Variants in ADAMTSL1 observed in about 807,000 individuals in gnomAD.
The protein encoded by ADAMTSL1 is ADAMTS like 1, also known as ADAMTS-like protein 1.
ADAMTSL1 carries 126 observed loss-of-function variants against 201.8 expected under a neutral mutation model. The observed-to-expected ratio is 0.62, with a 90% CI of 0.54 to 0.72. The LOEUF is 0.72. Ranked by LOEUF, ADAMTSL1 falls within the 30% of genes least tolerant of loss-of-function variation. The probability of loss-of-function intolerance (pLI) is 0.00; values close to 1 mark genes in which losing one functional copy is unlikely to be tolerated. For missense variants in ADAMTSL1, 2,679 were observed against 2,277.8 expected, an observed-to-expected ratio of 1.18 and a Z score of -3.59; for synonymous variants, 1,121 against 903.4, an observed-to-expected ratio of 1.24 and a Z score of -4.32.
intron 20 of ADAMTSL1, among the ~76,000 whole-genome samples, chr9:18,816,569 C>G (rs970200718): frequency 2.0e-5 from 3 of 152,026 alleles, no homozygotes; most frequent in Non-Finnish European, 4.4e-5. Context: ...GCAAGTGAGT[C>G]TACAATTACC....
intron 1 of ADAMTSL1, among the ~76,000 whole-genome samples, chr9:18,124,765 C>G (rs908512615): frequency 1.3e-5 from 2 of 152,138 alleles, no homozygotes; most frequent in African/African-American, 4.8e-5. Flanking sequence ...TACTTGACTC[C>G]TTTGCAATTC....
chr9:18,640,066 C>T (rs978771195), intron 7 of ADAMTSL1, among the ~76,000 whole-genome samples: 1 of 152,092 alleles, frequency 6.6e-6, no homozygotes, highest in Non-Finnish European at 1.5e-5. Flanking sequence ...GTCCAGGACT[C>T]CATAAATTTT....
intron 1 of ADAMTSL1, among the ~76,000 whole-genome samples, chr9:18,502,989 T>G (rs898162465): frequency 6.6e-6 from 1 of 152,166 alleles, no homozygotes; most frequent in Non-Finnish European, 1.5e-5. Context: ...TTAGGCCCTA[T>G]GTACTTTTAA....
intron 1 of ADAMTSL1, among the ~76,000 whole-genome samples, chr9:17,998,978 T>A (rs1819499523): frequency 6.6e-6 from 1 of 152,104 alleles, no homozygotes; most frequent in African/African-American, 2.4e-5. Context: ...CACTCTTTCC[T>A]CTAGATGAAA....
At chr9:18,021,548 C>T (rs1391594315) in intron 1 of ADAMTSL1, among the ~76,000 whole-genome samples, 2 of 152,014 alleles carry the variant, frequency 1.3e-5, no homozygotes, top group East Asian at 1.9e-4. Flanking sequence ...ACAAAACAAG[C>T]GATTGTGTCG....
chr9:18,905,814 T>C lies in ADAMTSL1; in HGVS notation c.4884T>C (p.Ala1628=), dbSNP rs770972077. The change falls in exon 27 of 29, where the codon GCT becomes GCC. Residue 1628 remains alanine, a synonymous_variant. Transcript: ENST00000380548. ...GGCCTTGCATCGGGCCTCACCTAGC[T>C]GTGCAACACAGACAAGTCTTCTGCC... ...CNGPCIGPHL[A]VQHRQVFCQT... The C allele has an allele frequency of 1.2e-6, 2 of 1,613,648 alleles. No individual in the cohort carries two copies. Among genetic ancestry groups the C allele is most frequent in the Non-Finnish European group, 1.7e-6 (2 of 1,179,798 alleles).
chr9:18,884,746 T>A (rs556715472), intron 23 of ADAMTSL1, among the ~76,000 whole-genome samples: 33 of 152,252 alleles, frequency 2.2e-4, no homozygotes, highest in Non-Finnish European at 4.3e-4. Flanking sequence ...TTCTGTTCTT[T>A]TGTTCTCTGT....
Position 18,777,153 on chromosome 9 carries a change from G to A in ADAMTSL1, c.2924G>A (p.Arg975Lys), listed in dbSNP as rs761443595. ...RKLVARPLSP[R>K]SEEEVLAGRK... ...CTCGTGGCCCGGCCCTTGAGCCCGAGAAGTGAGGAAGAGGTGCTTGCGGGG... is the reference window on the plus strand; with the variant it reads ...CTCGTGGCCCGGCCCTTGAGCCCGAAAAGTGAGGAAGAGGTGCTTGCGGGG... The change falls in exon 19 of 29, where the codon AGA becomes AAA. Residue 975 changes from arginine to lysine, a missense_variant. Arg to Lys is a conservative substitution (Grantham distance 26). Transcript: ENST00000380548. 1.2e-6 allele frequency: 2 copies of A among 1,612,988 alleles called. No homozygotes were observed. The highest frequency in any genetic ancestry group is 1.7e-6 in the Non-Finnish European group (2 of 1,179,822).
At chr9:17,915,741 A>T (rs951597675) in intron 1 of ADAMTSL1, among the ~76,000 whole-genome samples, 2 of 152,162 alleles carry the variant, frequency 1.3e-5, no homozygotes, top group African/African-American at 4.8e-5. Flanking sequence ...GGTCATTCAA[A>T]CAGGTATAGT....
intron 3 of ADAMTSL1, among the ~76,000 whole-genome samples, chr9:18,553,117 A>T (rs1820886219): frequency 6.6e-6 from 1 of 150,618 alleles, no homozygotes; most frequent in South Asian, 2.1e-4. Flanking sequence ...ATAAAATTAG[A>T]CTTATTTCTG....
intron 23 of ADAMTSL1, among the ~76,000 whole-genome samples, chr9:18,880,769 T>A (rs1828475963): frequency 6.6e-6 from 1 of 152,190 alleles, no homozygotes; most frequent in Non-Finnish European, 1.5e-5. Flanking sequence ...CAGCCTGTCC[T>A]TTGAAGCTTT....
intron 1 of ADAMTSL1, among the ~76,000 whole-genome samples, chr9:18,503,915 C>T (rs1225393590): frequency 6.6e-6 from 1 of 152,136 alleles, no homozygotes; most frequent in African/African-American, 2.4e-5. Flanking sequence ...TAGCACTCTG[C>T]TCCGGCACTA....
intron 9 of ADAMTSL1, among the ~76,000 whole-genome samples, chr9:18,671,391 T>C (rs1829800750): frequency 6.6e-6 from 1 of 152,178 alleles, no homozygotes; most frequent in Non-Finnish European, 1.5e-5. Flanking sequence ...GTAGGCTGGA[T>C]TGATTTGTTA....
chr9:18,814,587 C>A (rs1823715433), intron 20 of ADAMTSL1, among the ~76,000 whole-genome samples: 1 of 152,154 alleles, frequency 6.6e-6, no homozygotes, highest in Non-Finnish European at 1.5e-5. Context: ...TTTGTAGGAA[C>A]ATGGATGGAG....
intron 9 of ADAMTSL1, among the ~76,000 whole-genome samples, chr9:18,665,183 A>G (rs1829355204): frequency 6.6e-6 from 1 of 152,124 alleles, no homozygotes; most frequent in South Asian, 2.1e-4. Flanking sequence ...TCATTACTAC[A>G]TATCTAAAAC....
chr9:18,208,993 A>G (rs753971346), intron 2 of ADAMTSL1, among the ~76,000 whole-genome samples: 6 of 149,630 alleles, frequency 4.0e-5, no homozygotes, highest in East Asian at 1.9e-4. Context: ...TTTTATGAAT[A>G]TGCTCAAAGA....
At chr9:18,331,270 A>G (rs532371310) in intron 2 of ADAMTSL1, among the ~76,000 whole-genome samples, 12 of 152,336 alleles carry the variant, frequency 7.9e-5, no homozygotes, top group Admixed American at 3.9e-4. Context: ...CTTTGATGCT[A>G]TGCTGAGGCA....
At chr9:17,967,681 GC>G (rs1267187436) in intron 1 of ADAMTSL1, among the ~76,000 whole-genome samples, 6 of 152,084 alleles carry the variant, frequency 3.9e-5, no homozygotes, top group African/African-American at 1.4e-4. Context: ...TTATATCTCA[GC>G]TTTTTCTTCC....
intron 1 of ADAMTSL1, among the ~76,000 whole-genome samples, chr9:18,504,135 A>T (rs1312776804): frequency 6.6e-6 from 1 of 151,778 alleles, no homozygotes; most frequent in Non-Finnish European, 1.5e-5. Context: ...ATAATTTGTA[A>T]CTCCAGAGCC....
Sources: allele counts gnomAD v4.1 joint callset (sites outside exome capture counted in the v4.1 genomes callset), GRCh38; gene constraint gnomAD v4.1.1; transcripts MANE v1.5; gene names NCBI Gene and HGNC (gene_info 2026-07-23, HGNC 2026-07-21).